IPO11: variants seen among roughly 807,000 people sequenced by gnomAD.
IPO11 encodes importin 11, also known as importin-11.
IPO11 carries 66 observed loss-of-function variants against 143.2 expected under a neutral mutation model. The ratio of observed to expected loss-of-function variants is 0.46; its 90% CI spans 0.38 to 0.57. IPO11 has a LOEUF of 0.57. Among genes scored for constraint, IPO11 ranks in the 20% least tolerant of loss-of-function variants. IPO11 has a pLI of 0.00. For synonymous variants in IPO11, 385 were observed against 377.8 expected (o/e 1.02, Z -0.22); for missense variants, 1,026 against 1,141.0 (o/e 0.90, Z 1.45).
intron 5 of IPO11, among the ~76,000 whole-genome samples, chr5:62,459,637 G>A (rs1232172811): frequency 6.6e-6 from 1 of 151,682 alleles, no homozygotes; most frequent in African/African-American, 2.4e-5. Context: ...TGCAATCTCT[G>A]CCTCCCGGGT....
At chr5:62,420,829 G>A (rs1386854461) in intron 1 of IPO11, among the ~76,000 whole-genome samples, 17 of 152,042 alleles carry the variant, frequency 1.1e-4, no homozygotes, top group Admixed American at 9.2e-4. Flanking sequence ...TGATCCACCC[G>A]CCTCAGCCTT....
In IPO11 at chr5:62,437,254, T is replaced by C. The variant is rs921493487; in HGVS notation, c.-6-20T>C. On this transcript the variant is annotated intron_variant, in intron 1 of 29. Coordinates refer to ENST00000325324, the MANE Select transcript of IPO11 (RefSeq NM_016338.5). ...ATTACTTGTAATACATATTCAAGTA[T>C]GTTAACTTATCATTGCCAGGTTTCC... 1 of 1,575,394 alleles carries C rather than the reference T, an allele frequency of 6.3e-7. No homozygotes were observed. Among genetic ancestry groups the C allele is most frequent in the Non-Finnish European group, 8.6e-7 (1 of 1,162,212 alleles).
intron 1 of IPO11, among the ~76,000 whole-genome samples, chr5:62,431,943 A>ACATG (rs764641795): frequency 2.0e-3 from 161 of 78,610 alleles, no homozygotes; most frequent in African/African-American, 5.0e-3. Flanking sequence ...TCACATACAT[A>ACATG]CATACATACA....
At chr5:62,574,766 T>G (rs1041798599) in intron 27 of IPO11, among the ~76,000 whole-genome samples, 1 of 152,188 alleles carries the variant, frequency 6.6e-6, no homozygotes, top group Non-Finnish European at 1.5e-5. Context: ...TCAGAATGAC[T>G]GTGTAACAGG....
intron 24 of IPO11, among the ~76,000 whole-genome samples, chr5:62,549,532 A>G (rs1580313625): frequency 6.6e-6 from 1 of 152,204 alleles, no homozygotes; most frequent in East Asian, 1.9e-4. Flanking sequence ...TGGAAGTCAT[A>G]AGGGAAACTT....
At chr5:62,513,413 G>GCC (rs1561343063) in intron 19 of IPO11, among the ~76,000 whole-genome samples, 15 of 50,096 alleles carry the variant, frequency 3.0e-4, no homozygotes, top group Admixed American at 9.5e-4. Flanking sequence ...AGGGGGCGCT[G>GCC]ACCCCCCCCC....
chr5:62,516,082 T>C (rs1742004769), intron 20 of IPO11, among the ~76,000 whole-genome samples: 3 of 152,156 alleles, frequency 2.0e-5, no homozygotes, highest in Non-Finnish European at 4.4e-5. Context: ...AGGCCGTGAG[T>C]TAGAATATAT....
intron 6 of IPO11, among the ~76,000 whole-genome samples, chr5:62,468,061 C>G (rs955916371): frequency 1.1e-4 from 16 of 152,164 alleles, no homozygotes; most frequent in African/African-American, 3.9e-4. Flanking sequence ...GATCCTCTCA[C>G]TGCAGCTTCC....
rs780592119 is a variant in IPO11 at position 62,483,287 on chromosome 5, T to G, written c.1015T>G (p.Phe339Val). 1 of 1,543,018 alleles carries G rather than the reference T, an allele frequency of 6.5e-7. No homozygotes were observed. Among genetic ancestry groups the G allele is most frequent in the Non-Finnish European group, 8.8e-7 (1 of 1,139,250 alleles). ...TTATGCTTATAAGCCATCCAAAAATTTTGAAGGTAATTCCTTTATTGGCAG... is the reference window on the plus strand; with the variant it reads ...TTATGCTTATAAGCCATCCAAAAATGTTGAAGGTAATTCCTTTATTGGCAG... Reference protein sequence around the residue: ...KNYAYKPSKNFEDSSPETLEA... With the variant: ...KNYAYKPSKNVEDSSPETLEA... The change falls in exon 10 of 30, where the codon TTT (phenylalanine) becomes GTT (valine). Residue 339 changes from phenylalanine (F) to valine (V), a missense_variant. Around this residue, in one of 5 missense-constraint regions of IPO11, gnomAD observed 429 missense variants for 456.3 expected, o/e 0.94. Transcript: ENST00000325324.
At chr5:62,513,755 C>T (rs1371327243) in intron 19 of IPO11, among the ~76,000 whole-genome samples, 3 of 151,126 alleles carry the variant, frequency 2.0e-5, no homozygotes, top group Non-Finnish European at 3.0e-5. Context: ...CCCTCCCGGA[C>T]GGGGTGGCTG....
chr5:62,435,212 G>GTGTA (rs1554047242), intron 1 of IPO11, among the ~76,000 whole-genome samples: 2 of 79,676 alleles, frequency 2.5e-5, no homozygotes, highest in African/African-American at 1.1e-4. Context: ...ATATATATGT[G>GTGTA]TATATATATA....
Position 62,556,265 on chromosome 5 carries a change from C to G in IPO11, c.2461-4871C>G, listed in dbSNP as rs148069898. On this transcript the variant is annotated intron_variant, in intron 26 of 29. Coordinates refer to ENST00000325324, the MANE Select transcript of IPO11 (RefSeq NM_016338.5). ...GCTTGAACCCAGGAGGCAGATGTTG[C>G]AGTGAGCTGAGATTGCACCACTGCT... is the stretch of plus-strand genomic sequence containing the variant. Among the ~76,000 whole-genome samples the G allele has an allele frequency of 6.1e-3, 927 of 152,240 alleles. 8 individuals carry two copies. Among genetic ancestry groups the G allele is most frequent in the Non-Finnish European group, 9.8e-3 (667 of 68,020 alleles).
intron 27 of IPO11, among the ~76,000 whole-genome samples, chr5:62,588,024 G>A (rs1317211989): frequency 1.3e-5 from 2 of 152,138 alleles, no homozygotes; most frequent in East Asian, 1.9e-4. Context: ...CTGAGGCCTC[G>A]AATCTGCTTT....
At chr5:62,456,764 G>A (rs969171354) in intron 5 of IPO11, among the ~76,000 whole-genome samples, 28 of 152,172 alleles carry the variant, frequency 1.8e-4, no homozygotes, top group African/African-American at 6.8e-4. Context: ...CAGTTCATGT[G>A]GAAGAACGCA....
At chr5:62,589,353 A>G (rs1744927258) in intron 27 of IPO11, among the ~76,000 whole-genome samples, 1 of 152,060 alleles carries the variant, frequency 6.6e-6, no homozygotes, top group African/African-American at 2.4e-5. Flanking sequence ...ATCTTCTGGG[A>G]TACCACTTTC....
intron 5 of IPO11, among the ~76,000 whole-genome samples, chr5:62,459,556 C>G (rs1171650924): frequency 6.7e-6 from 1 of 148,542 alleles, no homozygotes; most frequent in African/African-American, 2.5e-5. Flanking sequence ...TATACTTAAG[C>G]CTTTTTTTTT....
intron 1 of IPO11, among the ~76,000 whole-genome samples, chr5:62,435,131 T>C (rs1744147798): frequency 1.0e-5 from 1 of 97,330 alleles, no homozygotes; most frequent in Non-Finnish European, 1.9e-5. Context: ...TATATGTATA[T>C]ATATGTATAT....
At chr5:62,440,926 G>A (rs1015621903) in intron 2 of IPO11, among the ~76,000 whole-genome samples, 4 of 151,624 alleles carry the variant, frequency 2.6e-5, no homozygotes, top group African/African-American at 9.7e-5. Context: ...TCGCGCCACT[G>A]CACTCCAGTC....
At chr5:62,458,621 A>ATTAT (rs1162504389) in intron 5 of IPO11, among the ~76,000 whole-genome samples, 1 of 152,152 alleles carries the variant, frequency 6.6e-6, no homozygotes, top group Non-Finnish European at 1.5e-5. Flanking sequence ...TTTTAAGTGC[A>ATTAT]TTATTTAAAG....
Sources: allele counts gnomAD v4.1 joint callset (sites outside exome capture counted in the v4.1 genomes callset), GRCh38; gene constraint gnomAD v4.1.1; regional missense constraint gnomAD v4.1.1; transcripts MANE v1.5; gene names NCBI Gene and HGNC (gene_info 2026-07-23, HGNC 2026-07-21).